Variants in PLEKHG7 observed in about 807,000 individuals in gnomAD.
The protein encoded by PLEKHG7 is pleckstrin homology domain-containing family G member 7.
Under a neutral mutation model 85.2 loss-of-function variants are expected in PLEKHG7, and 77 were observed. The ratio of observed to expected loss-of-function variants is 0.90; its 90% CI spans 0.75 to 1.09. The LOEUF (loss-of-function observed/expected upper bound fraction) is 1.09, where lower values mean the gene tolerates loss of function less well. Ranked by LOEUF, PLEKHG7 falls within the 50% of genes least tolerant of loss-of-function variation. The probability of loss-of-function intolerance (pLI) is 0.00; values close to 1 mark genes in which losing one functional copy is unlikely to be tolerated. For synonymous variants in PLEKHG7, 301 were observed against 302.4 expected, an observed-to-expected ratio of 1.00 and a Z score of 0.05; for missense variants, 777 against 804.3, an observed-to-expected ratio of 0.97 and a Z score of 0.41.
At chr12:92,752,160 T>C (rs531806526) in intron 10 of PLEKHG7, among the ~76,000 whole-genome samples, 1 of 152,004 alleles carries the variant, frequency 6.6e-6, no homozygotes, top group Admixed American at 6.5e-5. Flanking sequence ...GGAGGGTTTG[T>C]TTAAGGGGGA....
intron 10 of PLEKHG7, among the ~76,000 whole-genome samples, chr12:92,746,820 T>C (rs995452516): frequency 2.0e-5 from 3 of 152,226 alleles, no homozygotes; most frequent in Non-Finnish European, 2.9e-5. Flanking sequence ...GAAAACTGAA[T>C]ATCTCGATGC....
chr12:92,768,766 G>C (rs1873298556), intron 15 of PLEKHG7, among the ~76,000 whole-genome samples: 1 of 151,970 alleles, frequency 6.6e-6, no homozygotes, highest in Non-Finnish European at 1.5e-5. Context: ...AGGAAGAAAG[G>C]GTTTTTATAG....
chr12:92,733,987 G>A (rs1182317631), intron 5 of PLEKHG7, among the ~76,000 whole-genome samples: 1 of 152,172 alleles, frequency 6.6e-6, no homozygotes, highest in Non-Finnish European at 1.5e-5. Flanking sequence ...GCACTATGTT[G>A]GAGGGAGGGA....
chr12:92,754,052 G>A (rs1332724411), intron 10 of PLEKHG7, 38 bp from the exon 11 acceptor site: 2 of 1,598,690 alleles, frequency 1.3e-6, no homozygotes, highest in Middle Eastern at 1.9e-4. Flanking sequence ...CAGTGGGAGA[G>A]GTGATCATTC....
chr12:92,764,470 A>T (rs925565224), intron 15 of PLEKHG7, among the ~76,000 whole-genome samples: 1 of 152,126 alleles, frequency 6.6e-6, no homozygotes, highest in Non-Finnish European at 1.5e-5. Context: ...TTTCAGTGAG[A>T]GTCTGTGAAA....
At chr12:92,745,366 C>CTGTAGT (rs1872503925) in intron 9 of PLEKHG7, 112 bp from the exon 10 acceptor site, 1 of 701,036 alleles carries the variant, frequency 1.4e-6, no homozygotes, top group African/African-American at 1.9e-5. Flanking sequence ...ATGGCGACTC[C>CTGTAGT]TCCACTTTTC....
At chr12:92,738,002 C>A (rs1007688213) in intron 7 of PLEKHG7, among the ~76,000 whole-genome samples, 1 of 152,182 alleles carries the variant, frequency 6.6e-6, no homozygotes, top group Admixed American at 6.5e-5. Flanking sequence ...AGGGAGCTTA[C>A]ACCCTTCTCA....
chr12:92,705,212 T>C (rs1199818358), intron 1 of PLEKHG7, among the ~76,000 whole-genome samples: 1 of 152,214 alleles, frequency 6.6e-6, no homozygotes, highest in Non-Finnish European at 1.5e-5. Flanking sequence ...TAGAAGCCTG[T>C]AACAATTATT....
chr12:92,707,619 C>T (rs984197952), intron 2 of PLEKHG7, 31 bp from the exon 3 acceptor site: 8 of 1,609,148 alleles, frequency 5.0e-6, no homozygotes, highest in African/African-American at 2.7e-5. Flanking sequence ...TTGAGCAAGA[C>T]TAAAACATAT....
intron 1 of PLEKHG7, among the ~76,000 whole-genome samples, chr12:92,705,127 G>A (rs1871196731): frequency 6.6e-6 from 1 of 152,228 alleles, no homozygotes; most frequent in East Asian, 1.9e-4. Context: ...AAAGCATAGT[G>A]AGAAGTAAGG....
chr12:92,707,160 G>T, intron 2 of PLEKHG7, 22 bp downstream of exon 2: 1 of 1,592,920 alleles, frequency 6.3e-7, no homozygotes, highest in Non-Finnish European at 8.5e-7. Context: ...CTAAGCCTCC[G>T]GCCTCTCAGT....
intron 9 of PLEKHG7, among the ~76,000 whole-genome samples, chr12:92,745,231 T>C (rs1872497159): frequency 6.6e-6 from 1 of 152,182 alleles, no homozygotes. Flanking sequence ...TCTTTAAGTA[T>C]AGGGAGAAAA....
At chr12:92,724,121 G>A (rs12305359) in intron 3 of PLEKHG7, among the ~76,000 whole-genome samples, 1 of 151,974 alleles carries the variant, frequency 6.6e-6, no homozygotes, top group Non-Finnish European at 1.5e-5. Context: ...TCTCTTCAGG[G>A]TCTTCTTTTT....
chr12:92,761,381 G>A (rs143640317), intron 13 of PLEKHG7, among the ~76,000 whole-genome samples: 1 of 152,108 alleles, frequency 6.6e-6, no homozygotes, highest in Non-Finnish European at 1.5e-5. Flanking sequence ...TAAATTCAAT[G>A]TCTTTAATGT....
At chr12:92,722,377 T>A (rs769952544) in intron 3 of PLEKHG7, among the ~76,000 whole-genome samples, 1 of 152,200 alleles carries the variant, frequency 6.6e-6, no homozygotes, top group Non-Finnish European at 1.5e-5. Context: ...ATGGCTACAA[T>A]GGTGGTTCTT....
intron 3 of PLEKHG7, among the ~76,000 whole-genome samples, chr12:92,727,962 G>GTGTA (rs760170614): frequency 0.03 from 2,873 of 96,566 alleles, 447 homozygotes; most frequent in African/African-American, 0.043. Context: ...GTGTGTGTGT[G>GTGTA]TATATATATA....
intron 2 of PLEKHG7, 79 bp downstream of exon 2, chr12:92,707,217 C>T (rs554618090): frequency 6.6e-7 from 1 of 1,506,060 alleles, no homozygotes; most frequent in South Asian, 1.4e-5. Flanking sequence ...TTAGTTCCCC[C>T]AAGGGCCAGT....
At chr12:92,741,645 C>A in intron 9 of PLEKHG7, 53 bp downstream of exon 9, 1 of 1,399,116 alleles carries the variant, frequency 7.1e-7, no homozygotes, top group African/African-American at 1.4e-5. Flanking sequence ...ACCCACCTCC[C>A]AGGACAGTTG....
intron 13 of PLEKHG7, among the ~76,000 whole-genome samples, chr12:92,758,379 C>G (rs777752387): frequency 1.3e-5 from 2 of 152,204 alleles, no homozygotes; most frequent in Non-Finnish European, 2.9e-5. Context: ...AAAAACTGTT[C>G]TAATCTATGT....
Sources: allele counts gnomAD v4.1 joint callset (sites outside exome capture counted in the v4.1 genomes callset), GRCh38; gene constraint gnomAD v4.1.1; transcripts MANE v1.5; gene names NCBI Gene and HGNC (gene_info 2026-07-23, HGNC 2026-07-21).